CRHR1: variants seen among roughly 807,000 people sequenced by gnomAD.
CRHR1 encodes corticotropin releasing hormone receptor 1, also known as corticotropin-releasing hormone receptor 1.
Under a neutral mutation model 56.0 loss-of-function variants are expected in CRHR1, and 28 were observed. That is an observed-to-expected ratio of 0.50 (90% CI 0.37 to 0.69). The LOEUF is 0.69. Ranked by LOEUF, CRHR1 falls within the 30% of genes least tolerant of loss-of-function variation. The pLI is 0.00. For synonymous variants in CRHR1, 195 were observed against 216.5 expected, an observed-to-expected ratio of 0.90 and a Z score of 0.87; for missense variants, 376 against 548.0, an observed-to-expected ratio of 0.69 and a Z score of 3.13.
At chr17:45,828,227 G>A (rs1468688380) in intron 4 of CRHR1, among the ~76,000 whole-genome samples, 2 of 152,228 alleles carry the variant, frequency 1.3e-5, no homozygotes, top group African/African-American at 4.8e-5. Context: ...AGCTGGGCAT[G>A]GGGACTGACC....
At chr17:45,798,528 GAA>G (rs77104565) in intron 1 of CRHR1, among the ~76,000 whole-genome samples, 8 of 113,590 alleles carry the variant, frequency 7.0e-5, no homozygotes, top group East Asian at 2.6e-4. Context: ...TCCGTCTCGG[GAA>G]AAAAAAAAAA....
chr17:45,828,218 G>A (rs1232459890), intron 4 of CRHR1, among the ~76,000 whole-genome samples: 1 of 152,246 alleles, frequency 6.6e-6, no homozygotes, highest in Non-Finnish European at 1.5e-5. Flanking sequence ...TCTGCAGAGA[G>A]CTGGGCATGG....
chr17:45,820,802 G>A (rs1461050785), intron 3 of CRHR1, among the ~76,000 whole-genome samples: 1 of 152,136 alleles, frequency 6.6e-6, no homozygotes, highest in Non-Finnish European at 1.5e-5. Context: ...TGAACTCTGA[G>A]CCCCCATGTG....
At chr17:45,832,722 G>A (rs17689918) in intron 8 of CRHR1, among the ~76,000 whole-genome samples, 22,262 of 152,248 alleles carry the variant, frequency 0.15, 2,151 homozygotes, top group Middle Eastern at 0.22. Flanking sequence ...CTGAGATTGC[G>A]AACTGCTGGG....
chr17:45,805,756 C>G (rs1361250866), intron 1 of CRHR1, among the ~76,000 whole-genome samples: 1 of 152,170 alleles, frequency 6.6e-6, no homozygotes, highest in Non-Finnish European at 1.5e-5. Flanking sequence ...ACAATGCTCC[C>G]CTCTCCCTGC....
chr17:45,787,807 G>A (rs1279167360), intron 1 of CRHR1, among the ~76,000 whole-genome samples: 3 of 152,174 alleles, frequency 2.0e-5, no homozygotes, highest in East Asian at 3.9e-4. Context: ...CCAGGTTTTC[G>A]AGGGGAGCGT....
chr17:45,784,439 G>A lies in CRHR1; in HGVS notation c.-106G>A. On this transcript the variant is annotated 5_prime_UTR_variant, in exon 1 of 13. Coordinates refer to ENST00000314537, the MANE Select transcript of CRHR1 (RefSeq NM_004382.5). This position sits in a 1 kb window ranked among gnomAD's most constrained non-coding sequence, Gnocchi z 4.2. The stretch of plus-strand genomic sequence containing the variant: ...CTCCTCACCAGGCAGCGACCGAGGA[G>A]CCCGGCCGCCCACCCCGTGCCGCCC... The A allele has an allele frequency of 3.5e-6, 4 of 1,150,118 alleles. No homozygotes were observed. Among genetic ancestry groups the A allele is most frequent in the Non-Finnish European group, 4.7e-6 (4 of 847,208 alleles). 71.2% of individuals were successfully genotyped at this position (1,150,118 alleles called of 1,614,324 possible). A position where few individuals can be genotyped will look rare whatever the true frequency, so the allele number is the denominator to read the frequency against.
intron 1 of CRHR1, among the ~76,000 whole-genome samples, chr17:45,793,133 G>A (rs145900233): frequency 3.9e-5 from 6 of 152,338 alleles, no homozygotes; most frequent in South Asian, 2.1e-4. Flanking sequence ...CTGCCTCCGC[G>A]TGTGGATTTG....
chr17:45,797,845 A>G (rs1568034958), intron 1 of CRHR1, among the ~76,000 whole-genome samples: 1 of 152,192 alleles, frequency 6.6e-6, no homozygotes, highest in South Asian at 2.1e-4. Flanking sequence ...TGTAGAGAAC[A>G]CAGTGACCTC....
intron 3 of CRHR1, among the ~76,000 whole-genome samples, chr17:45,818,771 T>C (rs1189328962): frequency 6.6e-6 from 1 of 152,158 alleles, no homozygotes; most frequent in Non-Finnish European, 1.5e-5. Flanking sequence ...TACTGATGAG[T>C]TGCTGCCAGG....
At chr17:45,833,693 T>TGGGGGGGGGCCC in intron 10 of CRHR1, 21 bp from the exon 11 acceptor site, 16 of 1,571,590 alleles carry the variant, frequency 1.0e-5, no homozygotes, top group Non-Finnish European at 1.4e-5. Flanking sequence ...ACTCCGAGCC[T>TGGGGGGGGGCCC]CCCCACCCGC....
intron 1 of CRHR1, chr17:45,799,252 C>G (rs2061576466): frequency 6.6e-6 from 1 of 152,244 alleles, no homozygotes. Context: ...GCAAGAAATT[C>G]TGCAGAAACC....
At chr17:45,797,377 G>A (rs1266160022) in intron 1 of CRHR1, among the ~76,000 whole-genome samples, 2 of 131,142 alleles carry the variant, frequency 1.5e-5, no homozygotes, top group South Asian at 2.6e-4. Context: ...TGCAAGCTCC[G>A]CCTCCCGGGT....
chr17:45,833,162 G>A lies in CRHR1; in HGVS notation c.795G>A (p.Gly265=), dbSNP rs752193765. 2.1e-5 allele frequency: 34 copies of A among 1,613,986 alleles called. No individual in the cohort carries two copies. The highest frequency in any genetic ancestry group is 2.8e-5 in the Non-Finnish European group (33 of 1,180,030). ...GGTGCTGGTTTGGCAAAAGGCCTGG[G>A]GTGTACACCGACTACATCTACCAGG... ...NEKCWFGKRP[G]VYTDYIYQGP... Residue 265 remains glycine (G), a synonymous_variant, in exon 9 of 13, where the codon GGG becomes GGA. Transcript: ENST00000314537.
At chr17:45,806,482 A>T (rs1212498650) in intron 1 of CRHR1, among the ~76,000 whole-genome samples, 1 of 152,220 alleles carries the variant, frequency 6.6e-6, no homozygotes, top group African/African-American at 2.4e-5. Context: ...GATGACGGAT[A>T]ATTAGGCAGG....
chr17:45,799,870 C>T (rs927657191), intron 1 of CRHR1: 4 of 152,458 alleles, frequency 2.6e-5, no homozygotes, highest in Admixed American at 1.3e-4. Context: ...TGCTCCAGGC[C>T]GACTGGATCC....
chr17:45,829,792 A>T, intron 5 of CRHR1: 1 of 924,928 alleles, frequency 1.1e-6, no homozygotes, highest in Non-Finnish European at 1.7e-6. Context: ...GGCAGGGAGT[A>T]GAAGGCACCC....
chr17:45,806,945 A>G, intron 1 of CRHR1, 65 bp from the exon 2 acceptor site: 2 of 1,453,242 alleles, frequency 1.4e-6, no homozygotes, highest in Non-Finnish European at 1.9e-6. Context: ...TTCCTGGGTG[A>G]TGGAGCAACA....
At chr17:45,829,797 G>C in intron 5 of CRHR1, 3 of 909,972 alleles carry the variant, frequency 3.3e-6, no homozygotes, top group South Asian at 1.5e-5. Flanking sequence ...GGAGTAGAAG[G>C]CACCCCCAGG....
Sources: allele counts gnomAD v4.1 joint callset (sites outside exome capture counted in the v4.1 genomes callset), GRCh38; gene constraint gnomAD v4.1.1; non-coding constraint Gnocchi (gnomAD v3.1); transcripts MANE v1.5; gene names NCBI Gene and HGNC (gene_info 2026-07-23, HGNC 2026-07-21).